CSMD1: variants seen among roughly 807,000 people sequenced by gnomAD.
The protein encoded by CSMD1 is CUB and Sushi multiple domains 1.
Under a neutral mutation model 417.5 loss-of-function variants are expected in CSMD1, and 213 were observed. The ratio of observed to expected loss-of-function variants is 0.51; its 90% CI spans 0.46 to 0.57. CSMD1 has a LOEUF of 0.57. Among genes scored for constraint, CSMD1 ranks in the 20% least tolerant of loss-of-function variants. The pLI, the probability that CSMD1 is intolerant of heterozygous loss-of-function variation, is 0.00. For missense variants in CSMD1, 6,923 were observed against 4,529.7 expected (o/e 1.53, Z -15.17); for synonymous variants, 2,862 against 1,736.8 (o/e 1.65, Z -16.11).
intron 3 of CSMD1, among the ~76,000 whole-genome samples, chr8:4,115,745 T>A (rs185821142): frequency 1.1e-4 from 16 of 152,190 alleles, no homozygotes; most frequent in Non-Finnish European, 1.9e-4. Flanking sequence ...ACTGTCAATA[T>A]TCAGTGCTAA....
At chr8:4,642,955 C>T (rs180806870) in intron 1 of CSMD1, among the ~76,000 whole-genome samples, 40 of 152,258 alleles carry the variant, frequency 2.6e-4, no homozygotes, top group South Asian at 4.1e-4. Flanking sequence ...AACGAGGAAA[C>T]GAGTCATTTG....
intron 26 of CSMD1, among the ~76,000 whole-genome samples, chr8:3,283,518 T>G: frequency 6.8e-6 from 1 of 147,156 alleles, no homozygotes; most frequent in Non-Finnish European, 1.5e-5. Flanking sequence ...AACAAAATTT[T>G]CCTTTGATAC....
intron 23 of CSMD1, among the ~76,000 whole-genome samples, chr8:3,318,884 A>G (rs1805961401): frequency 6.6e-6 from 1 of 152,122 alleles, no homozygotes; most frequent in African/African-American, 2.4e-5. Context: ...GGTGACTGTA[A>G]ACTAACACAG....
At chr8:3,734,831 G>T (rs551655928) in intron 6 of CSMD1, among the ~76,000 whole-genome samples, 1 of 152,170 alleles carries the variant, frequency 6.6e-6, no homozygotes, top group Non-Finnish European at 1.5e-5. Flanking sequence ...CCTTCCTTCT[G>T]GTTGCTCCCA....
At chr8:3,008,697 C>T (rs1262407919) in intron 52 of CSMD1, among the ~76,000 whole-genome samples, 2 of 152,164 alleles carry the variant, frequency 1.3e-5, no homozygotes, top group Admixed American at 1.3e-4. Context: ...AGGAATCTTA[C>T]TGGCAGACAG....
At chr8:3,639,120 A>G (rs1445577975) in intron 7 of CSMD1, among the ~76,000 whole-genome samples, 2 of 152,214 alleles carry the variant, frequency 1.3e-5, no homozygotes, top group Non-Finnish European at 2.9e-5. Context: ...TCATTCTAGC[A>G]AAAGATTTTC....
chr8:3,349,873 T>C (rs1350726859), intron 21 of CSMD1, among the ~76,000 whole-genome samples: 28 of 47,080 alleles, frequency 5.9e-4, no homozygotes, highest in Non-Finnish European at 1.5e-3. Flanking sequence ...ATAAATATAT[T>C]TATATCTATA....
At chr8:3,824,393 G>T (rs1308056131) in intron 5 of CSMD1, among the ~76,000 whole-genome samples, 1 of 152,184 alleles carries the variant, frequency 6.6e-6, no homozygotes, top group Admixed American at 6.5e-5. Flanking sequence ...GCTCAGAGTG[G>T]CAAAGCTCCC....
At chr8:3,645,498 G>C (rs1797530524) in intron 7 of CSMD1, among the ~76,000 whole-genome samples, 1 of 152,194 alleles carries the variant, frequency 6.6e-6, no homozygotes, top group Admixed American at 6.5e-5. Flanking sequence ...GAAGAAATGG[G>C]GAAGGGGAAG....
Position 3,312,473 on chromosome 8 carries a change from G to A in CSMD1, c.3632-3970C>T, listed in dbSNP as rs572215020. Among the ~76,000 whole-genome samples the A allele has an allele frequency of 1.8e-4, 28 of 152,252 alleles. 1 individual carries two copies. The East Asian group carries it at 5.0e-3, about 27-fold the overall frequency. ...ATACATTCCTCTTTCCTGTCAGAAA[G>A]TTGAAAGTATTTGGCCATTCTAGAG... On this transcript the variant is annotated intron_variant, in intron 23 of 69. Coordinates refer to ENST00000635120, the MANE Select transcript of CSMD1 (RefSeq NM_033225.6).
intron 11 of CSMD1, among the ~76,000 whole-genome samples, chr8:3,473,015 T>C (rs375622672): frequency 1.3e-5 from 2 of 152,200 alleles, no homozygotes; most frequent in East Asian, 1.9e-4. Context: ...TAACTCTGTC[T>C]CCTGGTTCTG....
intron 3 of CSMD1, among the ~76,000 whole-genome samples, chr8:4,408,725 C>G (rs923715097): frequency 6.6e-6 from 1 of 152,054 alleles, no homozygotes; most frequent in Non-Finnish European, 1.5e-5. Flanking sequence ...GAATATGAAC[C>G]TTGTAGAGGT....
At chr8:3,918,185 AT>A (rs1311138799) in intron 5 of CSMD1, among the ~76,000 whole-genome samples, 2 of 151,946 alleles carry the variant, frequency 1.3e-5, no homozygotes, top group African/African-American at 4.8e-5. Flanking sequence ...CAAAATCCTG[AT>A]TTCATATTCC....
intron 5 of CSMD1, among the ~76,000 whole-genome samples, chr8:3,991,431 G>A (rs1422118129): frequency 6.6e-6 from 1 of 152,098 alleles, no homozygotes; most frequent in Non-Finnish European, 1.5e-5. Context: ...CAGCTTCATG[G>A]TAACATCAGC....
Position 4,662,563 on chromosome 8 carries a change from G to A in CSMD1, c.86-25005C>T, listed in dbSNP as rs145747422. Among the ~76,000 whole-genome samples the A allele has an allele frequency of 8.6e-3, 1,303 of 152,308 alleles. 11 individuals are homozygous for A. The highest frequency in any genetic ancestry group is 0.019 in the African/African-American group (779 of 41,576). On this transcript the variant is annotated intron_variant, in intron 1 of 69. Coordinates refer to ENST00000635120, the MANE Select transcript of CSMD1 (RefSeq NM_033225.6). ...GCTCGTCTCCCTGGAGAATGCTAAT[G>A]TAAAGATGTCATTCATGTGCCCAAC...
intron 3 of CSMD1, among the ~76,000 whole-genome samples, chr8:4,168,686 G>T (rs916766102): frequency 1.3e-5 from 2 of 152,080 alleles, no homozygotes; most frequent in Non-Finnish European, 2.9e-5. Context: ...AAAAAATGCT[G>T]TTATTAATTC....
At chr8:4,636,808 G>A (rs1026987135) in intron 2 of CSMD1, among the ~76,000 whole-genome samples, 1 of 152,102 alleles carries the variant, frequency 6.6e-6, no homozygotes, top group Non-Finnish European at 1.5e-5. Flanking sequence ...GTAATGAGGG[G>A]TGAAGCCAGC....
At chr8:3,548,085 C>A (rs548132310) in intron 10 of CSMD1, among the ~76,000 whole-genome samples, 218 of 152,156 alleles carry the variant, frequency 1.4e-3, no homozygotes, top group African/African-American at 4.4e-3. Flanking sequence ...ATAAATAGGT[C>A]CACCAAAAAA....
At chr8:3,844,964 T>C (rs189902907) in intron 5 of CSMD1, among the ~76,000 whole-genome samples, 1 of 152,350 alleles carries the variant, frequency 6.6e-6, no homozygotes, top group East Asian at 1.9e-4. Context: ...ATTAAGATTT[T>C]AAAGATGTGA....
Sources: gnomAD v4.1 joint callset for allele counts (sites outside exome capture counted in the v4.1 genomes callset) on GRCh38, gnomAD v4.1.1 for gene constraint, MANE v1.5 for transcripts, NCBI Gene and HGNC (gene_info 2026-07-23, HGNC 2026-07-21) for gene names.